The following TAS2R4 variants were observed in gnomAD, a reference collection of about 807,000 sequenced individuals.
TAS2R4 encodes taste 2 receptor member 4, also known as taste receptor type 2 member 4.
Under a neutral mutation model 14.3 loss-of-function variants are expected in TAS2R4, and 18 were observed. That is an observed-to-expected ratio of 1.26 (90% confidence interval 0.87 to 1.86). The LOEUF (loss-of-function observed/expected upper bound fraction) is 1.86, where lower values mean the gene tolerates loss of function less well. Ranked by LOEUF, TAS2R4 falls within the 40% of genes most tolerant of loss-of-function variation. The pLI, the probability that TAS2R4 is intolerant of heterozygous loss-of-function variation, is 0.00. For synonymous variants in TAS2R4, 130 were observed against 138.5 expected (o/e 0.94, Z 0.43); for missense variants, 306 against 342.7 (o/e 0.89, Z 0.85).
chr7:141,778,733 CT>C lies in TAS2R4; in HGVS notation c.252del (p.Phe84LeufsTer16). On this transcript the variant is annotated frameshift_variant, in exon 1 of 1. Coordinates refer to ENST00000247881, the MANE Select transcript of TAS2R4 (RefSeq NM_016944.2). LOFTEE classifies it high-confidence loss of function. ...SNTERSVYLS[A>X]FFVLCFMFLD... ...ACGGAAAGGTCAGTCTACCTGTCTG[CT>C]TTTTTTGTGTTGTGTTTCATGTTTT... 4.3e-6 allele frequency: 7 copies of C among 1,614,174 alleles called. No individual in the cohort carries two copies. The highest frequency in any genetic ancestry group is 5.9e-6 in the Non-Finnish European group (7 of 1,180,042).
Position 141,779,492 on chromosome 7 carries a change from T to C in TAS2R4, c.*104T>C, listed in dbSNP as rs1343182583. ...CTGGGGAATTCAGTTTTGTGATTGC[T>C]GATCTGACATCATAGGCTTTTGAGT... On this transcript the variant is annotated 3_prime_UTR_variant, in exon 1 of 1. Transcript: ENST00000247881. 1.7e-6 allele frequency: 2 copies of C among 1,151,806 alleles called. No homozygotes were observed. The highest frequency in any genetic ancestry group is 2.4e-6 in the Non-Finnish European group (2 of 842,568). 71.3% of individuals were successfully genotyped at this position (1,151,806 alleles called of 1,614,324 possible).
chr7:141,778,303 C>G lies in TAS2R4; in HGVS notation c.-186C>G. Reference sequence around the variant, plus strand: ...ACTAATGAAGAAATAGTAATGTAATCCTTGGAAGATTTGCATCTCAGTAAA... The same window carrying G: ...ACTAATGAAGAAATAGTAATGTAATGCTTGGAAGATTTGCATCTCAGTAAA... On this transcript the variant is annotated 5_prime_UTR_variant, in exon 1 of 1. The change creates a new upstream start codon in the 5' untranslated region. Coordinates refer to ENST00000247881, the MANE Select transcript of TAS2R4 (RefSeq NM_016944.2). 1.7e-6 allele frequency: 1 copy of G among 589,886 alleles called. No individual in the cohort carries two copies. The allele number at this position is 589,886 out of a possible 1,614,324, so 36.5% of individuals were successfully genotyped here. A position where few individuals can be genotyped will look rare whatever the true frequency, so the allele number is the denominator to read the frequency against.
In TAS2R4 at chr7:141,778,463, A is replaced by G. The variant is rs1160677939; in HGVS notation, c.-26A>G. 1 of 1,583,858 alleles carries G rather than the reference A, an allele frequency of 6.3e-7. No homozygotes were observed. The highest frequency in any genetic ancestry group is 1.4e-5 in the African/African-American group (1 of 74,028). ...CTTCTGCCTCCACTATCAGCACCAC[A>G]ACTGCTGAATCCTCAATGAGTAAAG... On this transcript the variant is annotated 5_prime_UTR_variant, in exon 1 of 1. Transcript: ENST00000247881.
rs1800293712 is a variant in TAS2R4, at chr7:141,779,489, T to A, written c.*101T>A. 1 of 1,198,436 alleles carries A rather than the reference T, an allele frequency of 8.3e-7. No homozygotes were observed. The highest frequency in any genetic ancestry group is 1.1e-6 in the Non-Finnish European group (1 of 881,258). 74.2% of individuals were successfully genotyped at this position (1,198,436 alleles called of 1,614,324 possible). ...GATCTGGGGAATTCAGTTTTGTGAT[T>A]GCTGATCTGACATCATAGGCTTTTG... On this transcript the variant is annotated 3_prime_UTR_variant, in exon 1 of 1. Coordinates refer to ENST00000247881, the MANE Select transcript of TAS2R4 (RefSeq NM_016944.2).
At position 141,780,892 on chromosome 7, in the gene TAS2R4, G is replaced by C. The variant is rs1392795304; in HGVS notation, c.*1504G>C. ...TAAAAATTACCCAAGCCAATATTTTGTGCTATGAAACCTGGAGGTATTCAT... is the reference window on the plus strand; with the variant it reads ...TAAAAATTACCCAAGCCAATATTTTCTGCTATGAAACCTGGAGGTATTCAT... On this transcript the variant is annotated 3_prime_UTR_variant, in exon 1 of 1. Coordinates refer to ENST00000247881, the MANE Select transcript of TAS2R4 (RefSeq NM_016944.2). 2.0e-5 allele frequency: 3 copies of C among 151,988 alleles called. No individual in the cohort carries two copies. The highest frequency in any genetic ancestry group is 7.2e-5 in the African/African-American group (3 of 41,386). 9.4% of individuals were successfully genotyped at this position (151,988 alleles called of 1,614,324 possible).
Position 141,779,618 on chromosome 7 carries a change from A to G in TAS2R4, c.*230A>G. The G allele has an allele frequency of 2.2e-6, 1 of 457,914 alleles. No homozygotes were observed. Among genetic ancestry groups the G allele is most frequent in the Non-Finnish European group, 3.8e-6 (1 of 260,770 alleles). The allele number at this position is 457,914 out of a possible 1,614,324, so 28.4% of individuals were successfully genotyped here. A position where few individuals can be genotyped will look rare whatever the true frequency, so the allele number is the denominator to read the frequency against. On this transcript the variant is annotated 3_prime_UTR_variant, in exon 1 of 1. Coordinates refer to ENST00000247881, the MANE Select transcript of TAS2R4 (RefSeq NM_016944.2). Reference sequence around the variant, plus strand: ...AAACTTTTTTGAGGCATTATTTGTCATGTATTTTGCATGGCCATTGAATCC... The same window carrying G: ...AAACTTTTTTGAGGCATTATTTGTCGTGTATTTTGCATGGCCATTGAATCC...
chr7:141,778,389 A>G lies in TAS2R4; in HGVS notation c.-100A>G, dbSNP rs750485136. 183 of 1,133,380 alleles carry G rather than the reference A, an allele frequency of 1.6e-4. No homozygotes were observed. Among genetic ancestry groups the G allele is most frequent in the Non-Finnish European group, 2.1e-4 (172 of 807,206 alleles). 70.2% of individuals were successfully genotyped at this position (1,133,380 alleles called of 1,614,324 possible). A position where few individuals can be genotyped will look rare whatever the true frequency, so the allele number is the denominator to read the frequency against. ...CATGCTGGGAAAAATTAAAAAGGAG[A>G]TGTCCTTCCTGGCTGGATACTGGTG... On this transcript the variant is annotated 5_prime_UTR_variant, in exon 1 of 1. An upstream start codon of the reference 5' UTR is lost. Coordinates refer to ENST00000247881, the MANE Select transcript of TAS2R4 (RefSeq NM_016944.2).
rs745339023 is a variant in TAS2R4, at chr7:141,779,117, T to TG, written c.630dup (p.Gln211AlafsTer76). On this transcript the variant is annotated frameshift_variant, in exon 1 of 1. Coordinates refer to ENST00000247881, the MANE Select transcript of TAS2R4 (RefSeq NM_016944.2). LOFTEE classifies it high-confidence loss of function. ...TCCTTGAGGAGACATATACAGAAGA[T>TG]GCAGAAAAATGCCACTGGTTTCTGG... The TG allele has an allele frequency of 1.2e-6, 2 of 1,614,086 alleles. No individual in the cohort carries two copies. Among genetic ancestry groups the TG allele is most frequent in the African/African-American group, 1.3e-5 (1 of 74,930 alleles).
Position 141,779,304 on chromosome 7 carries a change from C to T in TAS2R4, c.816C>T (p.Tyr272=). 1 of 1,614,180 alleles carries T rather than the reference C, an allele frequency of 6.2e-7. No homozygotes were observed. Among genetic ancestry groups the T allele is most frequent in the Admixed American group, 1.7e-5 (1 of 60,024 alleles). ...KSICLIFATL[Y]SPGHSVLIII... ...TTTGTCTGATTTTTGCCACCCTTTA[C>T]TCTCCAGGACATTCTGTTCTCATTA... Residue 272 remains tyrosine (Y), a synonymous_variant, in exon 1 of 1, where the codon TAC becomes TAT. Coordinates refer to ENST00000247881, the MANE Select transcript of TAS2R4 (RefSeq NM_016944.2).
At position 141,777,184 on chromosome 7, in the gene TAS2R4, G is replaced by A. The variant is rs1800254563; in HGVS notation, c.-1305G>A. ...TTCTGTTTGCCTGCTTACCTGATGTGGGCATGCCTCTATCAGTGCCTGTTA... is the reference window on the plus strand; with the variant it reads ...TTCTGTTTGCCTGCTTACCTGATGTAGGCATGCCTCTATCAGTGCCTGTTA... On this transcript the variant is annotated 5_prime_UTR_variant, in exon 1 of 1. It introduces an in-frame stop codon into an upstream open reading frame of the 5' UTR. Coordinates refer to ENST00000247881, the MANE Select transcript of TAS2R4 (RefSeq NM_016944.2). Among the ~76,000 whole-genome samples, 1 of 152,028 alleles carries A rather than the reference G, an allele frequency of 6.6e-6. No homozygotes were observed. Among genetic ancestry groups the A allele is most frequent in the African/African-American group, 2.4e-5 (1 of 41,382 alleles).
rs772678787 is a variant in TAS2R4 at position 141,777,602 on chromosome 7, C to T, written c.-887C>T. Among the ~76,000 whole-genome samples, 4 of 152,190 alleles carry T rather than the reference C, an allele frequency of 2.6e-5. No homozygotes were observed. Among genetic ancestry groups the T allele is most frequent in the Non-Finnish European group, 4.4e-5 (3 of 68,032 alleles). On this transcript the variant is annotated 5_prime_UTR_variant, in exon 1 of 1. Transcript: ENST00000247881. ...CAATGAGATGCCTAGCTGTTTGGCT[C>T]ACAAAACTACAACTAATGCATTACT...
rs1800254047 is a variant in TAS2R4 at position 141,777,141 on chromosome 7, C to T, written c.-1348C>T. Among the ~76,000 whole-genome samples the T allele has an allele frequency of 6.6e-6, 1 of 152,160 alleles. No individual in the cohort carries two copies. The highest frequency in any genetic ancestry group is 1.5e-5 in the Non-Finnish European group (1 of 68,032). On this transcript the variant is annotated 5_prime_UTR_variant, in exon 1 of 1. Coordinates refer to ENST00000247881, the MANE Select transcript of TAS2R4 (RefSeq NM_016944.2). ...TCTGTGCTATAATTTTCCTTTTAGT[C>T]ATAGTCTTCCTGGCTCATTCTGTTT...
rs924652415 is a variant in TAS2R4 at position 141,781,362 on chromosome 7, G to A, written c.*1974G>A. 6.6e-6 allele frequency among the ~76,000 whole-genome samples: 1 copy of A among 152,180 alleles called. No homozygotes were observed. The highest frequency in any genetic ancestry group is 1.9e-4 in the East Asian group (1 of 5,202). On this transcript the variant is annotated 3_prime_UTR_variant, in exon 1 of 1. Transcript: ENST00000247881. ...CTGCTCAAGCCTGAACTCCAGGACT[G>A]TTGATGAGAAATCAGTGTCTCCATT...
chr7:141,781,282 C>G lies in TAS2R4; in HGVS notation c.*1894C>G, dbSNP rs1012208269. On this transcript the variant is annotated 3_prime_UTR_variant, in exon 1 of 1. Coordinates refer to ENST00000247881, the MANE Select transcript of TAS2R4 (RefSeq NM_016944.2). ...TTGGGATAGTGAAGTAATTCTCCAT[C>G]CTAGAGCTGGCTCCATGGTTCTTCA... 6.6e-6 allele frequency among the ~76,000 whole-genome samples: 1 copy of G among 152,178 alleles called. No homozygotes were observed. The highest frequency in any genetic ancestry group is 1.5e-5 in the Non-Finnish European group (1 of 68,034).
Position 141,778,461 on chromosome 7 carries a change from A to G in TAS2R4, c.-28A>G, listed in dbSNP as rs771623860. 19 of 1,579,682 alleles carry G rather than the reference A, an allele frequency of 1.2e-5. No homozygotes were observed. The highest frequency in any genetic ancestry group is 1.5e-5 in the Non-Finnish European group (18 of 1,162,408). ...TTCTTCTGCCTCCACTATCAGCACCACAACTGCTGAATCCTCAATGAGTAA... is the reference window on the plus strand; with the variant it reads ...TTCTTCTGCCTCCACTATCAGCACCGCAACTGCTGAATCCTCAATGAGTAA... On this transcript the variant is annotated 5_prime_UTR_variant, in exon 1 of 1. Coordinates refer to ENST00000247881, the MANE Select transcript of TAS2R4 (RefSeq NM_016944.2).
At position 141,778,511 on chromosome 7, in the gene TAS2R4, C is replaced by A; in HGVS notation, c.23C>A (p.Ser8Tyr). 6.2e-7 allele frequency: 1 copy of A among 1,613,152 alleles called. No individual in the cohort carries two copies. The highest frequency in any genetic ancestry group is 1.1e-5 in the South Asian group (1 of 90,940). Residue 8 changes from serine (S) to tyrosine (Y), a missense_variant, in exon 1 of 1, where the codon TCT (serine) becomes TAT (tyrosine). Ser to Tyr is a moderately radical substitution (Grantham distance 144, BLOSUM62 -2). Transcript: ENST00000247881. The part of the protein sequence containing the change: MLRLFYF[S>Y]AIIASVILNF... ...AAGATGCTTCGGTTATTCTATTTCT[C>A]TGCTATTATTGCCTCAGTTATTTTA...
rs768911780 is a variant in TAS2R4 at position 141,778,656 on chromosome 7, T to C, written c.168T>C (p.Phe56=). Residue 56 remains phenylalanine (F), a synonymous_variant, in exon 1 of 1, where the codon TTT becomes TTC. Coordinates refer to ENST00000247881, the MANE Select transcript of TAS2R4 (RefSeq NM_016944.2). ...TGTTCAGCCTGGGCATCACCAGGTT[T>C]CTTATGCTGGGACTATTTCTGGTGA... ...RILFSLGITR[F]LMLGLFLVNT... is the part of the protein sequence containing the mutation. 14 of 1,614,222 alleles carry C rather than the reference T, an allele frequency of 8.7e-6. No individual in the cohort carries two copies. The highest frequency in any genetic ancestry group is 1.1e-5 in the Non-Finnish European group (13 of 1,180,050).
At position 141,780,518 on chromosome 7, in the gene TAS2R4, A is replaced by G. The variant is rs1800308859; in HGVS notation, c.*1130A>G. 6.6e-6 allele frequency: 1 copy of G among 152,208 alleles called. No individual in the cohort carries two copies. Among genetic ancestry groups the G allele is most frequent in the Admixed American group, 6.5e-5 (1 of 15,278 alleles). The allele number at this position is 152,208 out of a possible 1,614,324, so 9.4% of individuals were successfully genotyped here. ...ACTGTACTTCACCATAGGCTATGGA[A>G]CTCAGTGGAAAGCCAAAAAAGCACT... On this transcript the variant is annotated 3_prime_UTR_variant, in exon 1 of 1. Transcript: ENST00000247881.
chr7:141,777,253 GAGAA>G lies in TAS2R4; in HGVS notation c.-1235_-1232del, dbSNP rs1309927490. 2.0e-5 allele frequency among the ~76,000 whole-genome samples: 3 copies of G among 152,178 alleles called. No homozygotes were observed. Among genetic ancestry groups the G allele is most frequent in the African/African-American group, 7.2e-5 (3 of 41,440 alleles). ...CTGTAAGCACCTGGGCACCAGGTCA[GAGAA>G]TTTCTCCAGGCTAGGCTTCCTGTCA... On this transcript the variant is annotated 5_prime_UTR_variant, in exon 1 of 1. Transcript: ENST00000247881.
Sources: allele counts gnomAD v4.1 joint callset (sites outside exome capture counted in the v4.1 genomes callset), GRCh38; gene constraint gnomAD v4.1.1; transcripts MANE v1.5; gene names NCBI Gene and HGNC (gene_info 2026-07-23, HGNC 2026-07-21).